Variants in PPP4R2 observed in about 807,000 individuals in gnomAD.
PPP4R2 encodes the protein serine/threonine-protein phosphatase 4 regulatory subunit 2.
In PPP4R2, 13 loss-of-function variants were observed where a neutral mutation model predicts 47.2. The ratio of observed to expected loss-of-function variants is 0.28; its 90% confidence interval spans 0.18 to 0.44. The LOEUF is 0.44. Among genes scored for constraint, PPP4R2 ranks in the 20% least tolerant of loss-of-function variants. The pLI, the probability that PPP4R2 is intolerant of heterozygous loss-of-function variation, is 1.00. For synonymous variants in PPP4R2, 151 were observed against 163.3 expected (o/e 0.92, Z 0.57); for missense variants, 421 against 491.2 (o/e 0.86, Z 1.35).
chr3:73,004,087 C>T lies in PPP4R2; in HGVS notation c.116+5929C>T, dbSNP rs150486875. On this transcript the variant is annotated intron_variant, in intron 2 of 8. Transcript: ENST00000356692. ...CTGACTTCAAGTGATCTGCCTGTCT[C>T]GGCCTCCCAAAGTGTTGGGATTACA... 4.3e-4 allele frequency among the ~76,000 whole-genome samples: 65 copies of T among 150,524 alleles called. 1 individual carries two copies. In the South Asian group the frequency reaches 0.013, roughly 30 times the overall value.
chr3:73,042,361 C>CTTTTTT (rs10709279), intron 2 of PPP4R2, among the ~76,000 whole-genome samples: 5 of 75,904 alleles, frequency 6.6e-5, no homozygotes, highest in Middle Eastern at 7.9e-3. Flanking sequence ...AATATAATTT[C>CTTTTTT]TTTTTTTTTT....
chr3:73,013,231 T>G (rs1701759205), intron 2 of PPP4R2, among the ~76,000 whole-genome samples: 1 of 151,816 alleles, frequency 6.6e-6, no homozygotes, highest in South Asian at 2.1e-4. Context: ...TATTAGATGG[T>G]TAGATGAACA....
At chr3:73,063,640 A>C (rs1300659006) in intron 5 of PPP4R2, 33 bp from the exon 6 acceptor site, 1 of 1,321,928 alleles carries the variant, frequency 7.6e-7, no homozygotes, top group Non-Finnish European at 1.1e-6. Context: ...AAAAAAATTA[A>C]GTCATCCACA....
At chr3:73,055,747 C>G (rs888666891) in intron 3 of PPP4R2, among the ~76,000 whole-genome samples, 6 of 151,198 alleles carry the variant, frequency 4.0e-5, no homozygotes, top group Admixed American at 6.6e-5. Context: ...CTGCAACTTG[C>G]AACCTCCACC....
intron 2 of PPP4R2, among the ~76,000 whole-genome samples, chr3:73,045,238 A>G (rs1171259348): frequency 1.3e-5 from 2 of 152,262 alleles, no homozygotes; most frequent in Admixed American, 6.5e-5. Context: ...CCTGGGCCCA[A>G]GTGATCTTCC....
chr3:73,022,069 G>C (rs1388013719), intron 2 of PPP4R2, among the ~76,000 whole-genome samples: 1 of 151,728 alleles, frequency 6.6e-6, no homozygotes, highest in Non-Finnish European at 1.5e-5. Flanking sequence ...GGTAGTTTTT[G>C]TATTTTTGGT....
intron 2 of PPP4R2, among the ~76,000 whole-genome samples, chr3:73,002,708 C>CTCG (rs1448841958): frequency 7.4e-6 from 1 of 135,832 alleles, no homozygotes; most frequent in Non-Finnish European, 1.5e-5. Flanking sequence ...GTGGCGCGAT[C>CTCG]TCGGCTCGCT....
At chr3:73,005,233 G>T (rs960036329) in intron 2 of PPP4R2, among the ~76,000 whole-genome samples, 2 of 151,834 alleles carry the variant, frequency 1.3e-5, no homozygotes, top group Admixed American at 6.6e-5. Flanking sequence ...GAGCCACTGC[G>T]CCCGGCCAAA....
intron 2 of PPP4R2, among the ~76,000 whole-genome samples, chr3:73,018,418 G>GTTATA (rs1553646437): frequency 1.1e-5 from 1 of 91,126 alleles, no homozygotes; most frequent in South Asian, 4.5e-4. Flanking sequence ...GTTATGTTAT[G>GTTATA]TTATGTTATG....
At chr3:73,008,602 T>C (rs1485545767) in intron 2 of PPP4R2, among the ~76,000 whole-genome samples, 2 of 152,196 alleles carry the variant, frequency 1.3e-5, no homozygotes, top group African/African-American at 2.4e-5. Context: ...GCTTTTCTAC[T>C]TCTTGGTGAG....
chr3:73,064,062 C>T lies in PPP4R2; in HGVS notation c.554C>T (p.Ser185Leu). 6.2e-7 allele frequency: 1 copy of T among 1,613,422 alleles called. No individual in the cohort carries two copies. The highest frequency in any genetic ancestry group is 8.5e-7 in the Non-Finnish European group (1 of 1,179,750). Residue 185 changes from serine (S) to leucine (L), a missense_variant, in exon 7 of 9, where the codon TCA (serine) becomes TTA (leucine). Ser to Leu is a moderately radical substitution (Grantham distance 145, BLOSUM62 -2). This residue lies in a region of PPP4R2 where 317 missense variants were observed against 287.5 expected (regional missense o/e 1.10). Coordinates refer to ENST00000356692, the MANE Select transcript of PPP4R2 (RefSeq NM_174907.4). ...CTTAATCGACCAAAGGTTTCTTTGT[C>T]AGCCCCCATGACAACAAATGGGTTG... ...RPLNRPKVSLSAPMTTNGLPE... is the reference protein window; with the variant it reads ...RPLNRPKVSLLAPMTTNGLPE...
chr3:73,059,582 T>G (rs954851049), intron 4 of PPP4R2, among the ~76,000 whole-genome samples: 1 of 152,038 alleles, frequency 6.6e-6, no homozygotes, highest in Admixed American at 6.6e-5. Flanking sequence ...AGATAAACAT[T>G]AGTGTTTGTG....
At chr3:73,061,231 TTATC>T (rs1023516120) in intron 5 of PPP4R2, 171 bp downstream of exon 5, 13 of 335,934 alleles carry the variant, frequency 3.9e-5, no homozygotes, top group Admixed American at 1.4e-4. Flanking sequence ...ACTAATAACA[TTATC>T]TATATGTTTT....
chr3:73,051,618 A>G (rs1160562317), intron 3 of PPP4R2, among the ~76,000 whole-genome samples: 1 of 152,104 alleles, frequency 6.6e-6, no homozygotes, highest in African/African-American at 2.4e-5. Context: ...TTACCAAAGT[A>G]CAAGTTTGTT....
At chr3:73,042,238 C>T (rs1222730885) in intron 2 of PPP4R2, among the ~76,000 whole-genome samples, 2 of 151,904 alleles carry the variant, frequency 1.3e-5, no homozygotes, top group Non-Finnish European at 2.9e-5. Context: ...ATATTGAAAG[C>T]CAAGGGTTTT....
chr3:73,054,521 T>C (rs984155893), intron 3 of PPP4R2, among the ~76,000 whole-genome samples: 2 of 152,184 alleles, frequency 1.3e-5, no homozygotes, highest in African/African-American at 4.8e-5. Context: ...AGTATTTCTG[T>C]TAACTAAGAC....
At chr3:73,030,764 G>A (rs566533593) in intron 2 of PPP4R2, among the ~76,000 whole-genome samples, 5 of 151,704 alleles carry the variant, frequency 3.3e-5, no homozygotes, top group East Asian at 1.9e-4. Flanking sequence ...GTGCAGTGGC[G>A]TGATCTCAGT....
chr3:73,016,331 A>G (rs1011578242), intron 2 of PPP4R2, among the ~76,000 whole-genome samples: 5 of 151,496 alleles, frequency 3.3e-5, no homozygotes, highest in African/African-American at 1.2e-4. Flanking sequence ...ATGTCTAGAG[A>G]TGTTTTTGGT....
chr3:73,004,841 T>TGG (rs1468323980), intron 2 of PPP4R2, among the ~76,000 whole-genome samples: 54 of 132,986 alleles, frequency 4.1e-4, no homozygotes, highest in African/African-American at 1.6e-3. Flanking sequence ...AAATACAGTG[T>TGG]GGGGTGTGTG....
Sources: gnomAD v4.1 joint callset for allele counts (sites outside exome capture counted in the v4.1 genomes callset) on GRCh38, gnomAD v4.1.1 for gene constraint, gnomAD v4.1.1 regional missense constraint, MANE v1.5 for transcripts, NCBI Gene and HGNC (gene_info 2026-07-23, HGNC 2026-07-21) for gene names.